Variants in CHRM3 observed in about 807,000 individuals in gnomAD.
CHRM3 encodes muscarinic acetylcholine receptor M3.
CHRM3 carries 11 observed loss-of-function variants against 41.8 expected under a neutral mutation model. The ratio of observed to expected loss-of-function variants is 0.26; its 90% CI spans 0.17 to 0.44. CHRM3 has a LOEUF of 0.44. Among genes scored for constraint, CHRM3 ranks in the 20% least tolerant of loss-of-function variants. The probability of loss-of-function intolerance (pLI) is 1.00; values close to 1 mark genes in which losing one functional copy is unlikely to be tolerated. For missense variants in CHRM3, 571 were observed against 745.4 expected (o/e 0.77, Z 2.72); for synonymous variants, 297 against 301.4 (o/e 0.99, Z 0.15).
chr1:239,663,374 C>T (rs1362617757), intron 4 of CHRM3, among the ~76,000 whole-genome samples: 1 of 152,142 alleles, frequency 6.6e-6, no homozygotes, highest in African/African-American at 2.4e-5. Context: ...TCCCATTAAA[C>T]ACAGCCATAT....
intron 1 of CHRM3, among the ~76,000 whole-genome samples, chr1:239,390,412 G>A (rs1027328071): frequency 5.3e-5 from 8 of 152,122 alleles, no homozygotes; most frequent in African/African-American, 1.9e-4. Context: ...TATATGACAG[G>A]AGGCAAAATC....
intron 4 of CHRM3, among the ~76,000 whole-genome samples, chr1:239,657,802 A>T (rs1412082262): frequency 6.6e-6 from 1 of 152,204 alleles, no homozygotes; most frequent in African/African-American, 2.4e-5. Flanking sequence ...TACATTAATA[A>T]CATCATCTGT....
chr1:239,438,691 A>G (rs4263985), intron 1 of CHRM3, among the ~76,000 whole-genome samples: 87,469 of 152,024 alleles, frequency 0.58, 25,540 homozygotes, highest in African/African-American at 0.64. Flanking sequence ...TATCTGTTAC[A>G]GGAGCTAATG....
chr1:239,683,717 G>A (rs562183696), intron 5 of CHRM3, among the ~76,000 whole-genome samples: 122 of 152,246 alleles, frequency 8.0e-4, no homozygotes, highest in African/African-American at 2.8e-3. Context: ...GTGAACAGCT[G>A]AATAGCTTCT....
chr1:239,757,427 G>A (rs548439573), intron 5 of CHRM3, among the ~76,000 whole-genome samples: 14 of 152,106 alleles, frequency 9.2e-5, no homozygotes, highest in East Asian at 5.9e-4. Flanking sequence ...TCAGGAGATC[G>A]AGACCATCCT....
At chr1:239,893,005 C>T (rs888360797) in intron 6 of CHRM3, among the ~76,000 whole-genome samples, 4 of 152,134 alleles carry the variant, frequency 2.6e-5, no homozygotes, top group Non-Finnish European at 5.9e-5. Flanking sequence ...TTGGATCAGA[C>T]GGCTTTGGTT....
chr1:239,674,396 A>G (rs1237105679), intron 4 of CHRM3, among the ~76,000 whole-genome samples: 1 of 152,020 alleles, frequency 6.6e-6, no homozygotes, highest in Non-Finnish European at 1.5e-5. Context: ...TTACCATTTG[A>G]CCATTAGTGT....
intron 5 of CHRM3, among the ~76,000 whole-genome samples, chr1:239,680,704 G>A (rs1658474051): frequency 7.2e-6 from 1 of 139,152 alleles, no homozygotes; most frequent in Non-Finnish European, 1.5e-5. Context: ...AATTTGGTGT[G>A]TGCATGTGTG....
At position 239,849,770 on chromosome 1, in the gene CHRM3, C is replaced by T. The variant is rs141224916; in HGVS notation, c.-20+22392C>T. ...CTTTAAAATGAGATAATAATGGTACCTGCCTCATAAGGTATTTGCAAAAAT... is the reference window on the plus strand; with the variant it reads ...CTTTAAAATGAGATAATAATGGTACTTGCCTCATAAGGTATTTGCAAAAAT... On this transcript the variant is annotated intron_variant, in intron 6 of 6. Transcript: ENST00000676153. Among the ~76,000 whole-genome samples, 846 of 152,182 alleles carry T rather than the reference C, an allele frequency of 5.6e-3. 2 individuals carry two copies. Among genetic ancestry groups the T allele is most frequent in the Non-Finnish European group, 8.5e-3 (581 of 68,004 alleles).
intron 1 of CHRM3, among the ~76,000 whole-genome samples, chr1:239,416,079 T>G (rs1661479382): frequency 6.6e-6 from 1 of 152,200 alleles, no homozygotes; most frequent in Non-Finnish European, 1.5e-5. Context: ...TTAAGTATCG[T>G]GGGGAAGCCA....
chr1:239,411,388 TAC>T (rs1467088664), intron 1 of CHRM3, among the ~76,000 whole-genome samples: 1 of 152,106 alleles, frequency 6.6e-6, no homozygotes, highest in Non-Finnish European at 1.5e-5. Context: ...GTAAGTTAGA[TAC>T]AGTTTCTAAC....
rs569969768 is a variant in CHRM3 at position 239,804,704 on chromosome 1, C to T, written c.-146-22548C>T. Among the ~76,000 whole-genome samples the T allele has an allele frequency of 3.3e-5, 5 of 152,284 alleles. No individual in the cohort carries two copies. The East Asian group carries it at 5.8e-4, about 18-fold the overall frequency. ...CATCCCCAAATCCTGCAACTCGGTT[C>T]GAGCTAAATGCAGCGCCTTCTTCCT... is the stretch of plus-strand genomic sequence containing the variant. On this transcript the variant is annotated intron_variant, in intron 5 of 6. Transcript: ENST00000676153.
intron 3 of CHRM3, among the ~76,000 whole-genome samples, chr1:239,628,634 T>C (rs1669304822): frequency 1.7e-5 from 1 of 59,906 alleles, no homozygotes; most frequent in Admixed American, 1.3e-4. Flanking sequence ...TTTGTGGTTT[T>C]ATCTACTTTT....
intron 1 of CHRM3, among the ~76,000 whole-genome samples, chr1:239,394,444 C>T (rs1311527136): frequency 6.6e-6 from 1 of 152,190 alleles, no homozygotes; most frequent in African/African-American, 2.4e-5. Context: ...GCCAGAAAAT[C>T]TAGGATAAGC....
intron 5 of CHRM3, among the ~76,000 whole-genome samples, chr1:239,698,625 C>A (rs1415397952): frequency 6.6e-6 from 1 of 152,196 alleles, no homozygotes; most frequent in Admixed American, 6.5e-5. Flanking sequence ...TACTTCCAAT[C>A]AAGCATATAC....
At chr1:239,689,596 A>G (rs936799397) in intron 5 of CHRM3, among the ~76,000 whole-genome samples, 1 of 152,210 alleles carries the variant, frequency 6.6e-6, no homozygotes, top group African/African-American at 2.4e-5. Context: ...GTTTACTTCC[A>G]CAACTTTGCA....
intron 3 of CHRM3, among the ~76,000 whole-genome samples, chr1:239,630,612 T>C (rs891378478): frequency 3.3e-5 from 5 of 152,210 alleles, no homozygotes; most frequent in African/African-American, 1.2e-4. Context: ...TGTTGTTTGA[T>C]GACTTACCCT....
At chr1:239,410,688 C>A (rs2103040354) in intron 1 of CHRM3, among the ~76,000 whole-genome samples, 1 of 152,292 alleles carries the variant, frequency 6.6e-6, no homozygotes, top group Admixed American at 6.5e-5. Context: ...CCCTTCTACA[C>A]CCCCTTCCTC....
At chr1:239,879,291 C>T (rs1419500768) in intron 6 of CHRM3, among the ~76,000 whole-genome samples, 1 of 152,172 alleles carries the variant, frequency 6.6e-6, no homozygotes, top group Non-Finnish European at 1.5e-5. Context: ...CCAACGCACC[C>T]AGCTTGTGCA....
Sources: gnomAD v4.1 joint callset for allele counts (sites outside exome capture counted in the v4.1 genomes callset) on GRCh38, gnomAD v4.1.1 for gene constraint, MANE v1.5 for transcripts, NCBI Gene and HGNC (gene_info 2026-07-23, HGNC 2026-07-21) for gene names.